The following MEF2D variants were observed in gnomAD, a reference collection of about 807,000 sequenced individuals.
MEF2D encodes myocyte-specific enhancer factor 2D.
A neutral mutation model predicts 59.3 loss-of-function variants in MEF2D; 10 were observed. The ratio of observed to expected loss-of-function variants is 0.17; its 90% confidence interval spans 0.10 to 0.29. MEF2D has a LOEUF of 0.29. Ranked by LOEUF, MEF2D falls within the 10% of genes least tolerant of loss-of-function variation. The pLI is 1.00. For synonymous variants in MEF2D, 305 were observed against 295.0 expected, an observed-to-expected ratio of 1.03 and a Z score of -0.35; for missense variants, 508 against 699.4, an observed-to-expected ratio of 0.73 and a Z score of 3.09.
intron 1 of MEF2D, among the ~76,000 whole-genome samples, chr1:156,494,410 A>G (rs1484396364): frequency 4.6e-5 from 7 of 152,154 alleles, no homozygotes; most frequent in Admixed American, 4.6e-4. Context: ...GCATGCAGCC[A>G]GAGGGATCTG....
At chr1:156,483,863 A>G (rs1325796217) in intron 1 of MEF2D, among the ~76,000 whole-genome samples, 2 of 152,210 alleles carry the variant, frequency 1.3e-5, no homozygotes, top group Non-Finnish European at 2.9e-5. Context: ...CAGTCAGTGA[A>G]CAACAAGCAT....
intron 1 of MEF2D, among the ~76,000 whole-genome samples, chr1:156,496,943 C>A (rs1673166031): frequency 6.6e-6 from 1 of 152,218 alleles, no homozygotes; most frequent in South Asian, 2.1e-4. Context: ...ATTCCGAGAT[C>A]CAAATAGCAC....
In MEF2D at chr1:156,482,662, C is replaced by T. The variant is rs528368741; in HGVS notation, c.55-22G>A. Reference sequence around the variant, plus strand: ...TCACCTGCAGAGAAGGATGGGTGGGCGGCCAGATCTGGCTCAGTTAAGGCC... The same window carrying T: ...TCACCTGCAGAGAAGGATGGGTGGGTGGCCAGATCTGGCTCAGTTAAGGCC... On this transcript the variant is annotated intron_variant, in intron 2 of 11. Coordinates refer to ENST00000348159, the MANE Select transcript of MEF2D (RefSeq NM_005920.4). The T allele has an allele frequency of 5.7e-5, 92 of 1,612,792 alleles. 1 individual carries two copies. Among genetic ancestry groups the T allele is most frequent in the South Asian group, 7.7e-5 (7 of 91,066 alleles).
At chr1:156,469,361 A>C (rs1671077289) in intron 9 of MEF2D, among the ~76,000 whole-genome samples, 1 of 152,066 alleles carries the variant, frequency 6.6e-6, no homozygotes, top group South Asian at 2.1e-4. Flanking sequence ...ACGTTCAAGC[A>C]AATCTCCTGC....
chr1:156,482,729 T>G (rs1318459664), intron 2 of MEF2D, 89 bp from the exon 3 acceptor site: 41 of 1,233,070 alleles, frequency 3.3e-5, no homozygotes, highest in Non-Finnish European at 4.1e-5. Flanking sequence ...ACATAGCCCC[T>G]GCCCTCAGGA....
intron 3 of MEF2D, among the ~76,000 whole-genome samples, 191 bp downstream of exon 3, chr1:156,482,246 C>G (rs545975835): frequency 6.6e-6 from 1 of 152,346 alleles, no homozygotes; most frequent in South Asian, 2.1e-4. Flanking sequence ...ACTGCCCTTC[C>G]TTCCTCCTCA....
At chr1:156,479,471 C>A in intron 5 of MEF2D, 115 bp downstream of exon 5, 1 of 1,489,148 alleles carries the variant, frequency 6.7e-7, no homozygotes, top group Non-Finnish European at 9.1e-7. Flanking sequence ...AGGAGCCATA[C>A]AAATGGCGGA....
rs971929913 is a variant in MEF2D, at chr1:156,464,051, G to A, written c.*3594C>T. 14 of 152,528 alleles carry A rather than the reference G, an allele frequency of 9.2e-5. No homozygotes were observed. The highest frequency in any genetic ancestry group is 3.4e-4 in the African/African-American group (14 of 41,390). The allele number at this position is 152,528 out of a possible 1,614,324, so 9.4% of individuals were successfully genotyped here. On this transcript the variant is annotated 3_prime_UTR_variant, in exon 12 of 12. Coordinates refer to ENST00000348159, the MANE Select transcript of MEF2D (RefSeq NM_005920.4). ...CCACCTCCCTCCCTCTGGAGAATGG[G>A]GAAGAGGAGAGAATCCAGATTCTCC...
Position 156,467,514 on chromosome 1 carries a change from A to G in MEF2D, c.*131T>C, listed in dbSNP as rs1670924927. ...TAATATAATAATTATACACAAATGT[A>G]ACCGTCAACAGGACACGAAGCACAA... is the stretch of plus-strand genomic sequence containing the variant. On this transcript the variant is annotated 3_prime_UTR_variant, in exon 12 of 12. Transcript: ENST00000348159. 1 of 510,270 alleles carries G rather than the reference A, an allele frequency of 2.0e-6. No individual in the cohort carries two copies. The highest frequency in any genetic ancestry group is 2.0e-5 in the African/African-American group (1 of 51,126). 31.6% of individuals were successfully genotyped at this position (510,270 alleles called of 1,614,324 possible). A position where few individuals can be genotyped will look rare whatever the true frequency, so the allele number is the denominator to read the frequency against.
intron 2 of MEF2D, among the ~76,000 whole-genome samples, 187 bp downstream of exon 2, chr1:156,483,052 C>G (rs1672122290): frequency 6.6e-6 from 1 of 152,152 alleles, no homozygotes; most frequent in South Asian, 2.1e-4. Context: ...TCCTGGAGTC[C>G]AGGGACGCAG....
Position 156,500,526 on chromosome 1 carries a change from G to A in MEF2D, c.-179C>T, listed in dbSNP as rs967619828. 3.3e-5 allele frequency: 5 copies of A among 152,204 alleles called. No homozygotes were observed. Among genetic ancestry groups the A allele is most frequent in the African/African-American group, 4.8e-5 (2 of 41,448 alleles). The allele number at this position is 152,204 out of a possible 1,614,324, so 9.4% of individuals were successfully genotyped here. A position where few individuals can be genotyped will look rare whatever the true frequency, so the allele number is the denominator to read the frequency against. On this transcript the variant is annotated 5_prime_UTR_variant, in exon 1 of 12. Transcript: ENST00000348159. The stretch of plus-strand genomic sequence containing the variant: ...AACGGTGTTGTCACGGCAAAGAGCG[G>A]GTAGCCCTCGCCCCTGGTCCGGGGG...
At chr1:156,489,917 T>C (rs910361642) in intron 1 of MEF2D, among the ~76,000 whole-genome samples, 2 of 152,184 alleles carry the variant, frequency 1.3e-5, no homozygotes, top group African/African-American at 4.8e-5. Flanking sequence ...ACAACCTTCC[T>C]AGTCATTCTC....
At chr1:156,496,993 G>A (rs1673169944) in intron 1 of MEF2D, among the ~76,000 whole-genome samples, 1 of 152,182 alleles carries the variant, frequency 6.6e-6, no homozygotes, top group African/African-American at 2.4e-5. Context: ...TTCCTTTCGG[G>A]AGAGCCACTG....
At chr1:156,495,165 G>T (rs1478279053) in intron 1 of MEF2D, among the ~76,000 whole-genome samples, 1 of 152,106 alleles carries the variant, frequency 6.6e-6, no homozygotes, top group Non-Finnish European at 1.5e-5. Context: ...TGCCACCAAA[G>T]GCTGATTCTC....
Position 156,482,452 on chromosome 1 carries a change from G to A in MEF2D, c.243C>T (p.Asn81=), listed in dbSNP as rs201728741. ...EYNEPHESRT[N]ADIIETLRKK... is the part of the protein sequence containing the mutation. ...ATGGGCCCACCTCGATGATGTCGGC[G>A]TTGGTGCGGCTCTCGTGTGGCTCAT... Residue 81 remains asparagine (N), a synonymous_variant, in exon 3 of 12, where the codon AAC becomes AAT. Transcript: ENST00000348159. 5.8e-5 allele frequency: 93 copies of A among 1,614,110 alleles called. No individual in the cohort carries two copies. The highest frequency in any genetic ancestry group is 8.0e-5 in the African/African-American group (6 of 75,058).
In MEF2D at chr1:156,463,811, A is replaced by C. The variant is rs919060695; in HGVS notation, c.*3834T>G. 7 of 152,774 alleles carry C rather than the reference A, an allele frequency of 4.6e-5. No individual in the cohort carries two copies. The highest frequency in any genetic ancestry group is 1.7e-4 in the African/African-American group (7 of 41,590). 9.5% of individuals were successfully genotyped at this position (152,774 alleles called of 1,614,324 possible). On this transcript the variant is annotated 3_prime_UTR_variant, in exon 12 of 12. Transcript: ENST00000348159. ...AAAGAGTTTTCAAACAAAACTCATA[A>C]GAATCTCGAGGACTTTGTCTTTTCT...
chr1:156,495,162 A>G lies in MEF2D; in HGVS notation c.-139+5324T>C, dbSNP rs145334681. On this transcript the variant is annotated intron_variant, in intron 1 of 11. Coordinates refer to ENST00000348159, the MANE Select transcript of MEF2D (RefSeq NM_005920.4). ...ACAATACCCTCCTCACCTTGCCACCAAAGGCTGATTCTCTGCCCTCTGCTG... is the reference window on the plus strand; with the variant it reads ...ACAATACCCTCCTCACCTTGCCACCGAAGGCTGATTCTCTGCCCTCTGCTG... Among the ~76,000 whole-genome samples the G allele has an allele frequency of 5.5e-3, 843 of 152,150 alleles. 7 individuals are homozygous for G. Among genetic ancestry groups the G allele is most frequent in the Non-Finnish European group, 8.7e-3 (594 of 67,986 alleles).
chr1:156,500,056 G>A (rs1034706249), intron 1 of MEF2D, among the ~76,000 whole-genome samples: 5 of 152,160 alleles, frequency 3.3e-5, no homozygotes, highest in Non-Finnish European at 7.3e-5. Context: ...GAGGGAACAG[G>A]CGGCGAGAGG....
intron 1 of MEF2D, among the ~76,000 whole-genome samples, chr1:156,491,215 A>G (rs1477781836): frequency 6.6e-6 from 1 of 152,190 alleles, no homozygotes; most frequent in East Asian, 1.9e-4. Context: ...GCTCTGGTCT[A>G]AGATGTGATC....
Sources: gnomAD v4.1 joint callset for allele counts (sites outside exome capture counted in the v4.1 genomes callset) on GRCh38, gnomAD v4.1.1 for gene constraint, MANE v1.5 for transcripts, NCBI Gene and HGNC (gene_info 2026-07-23, HGNC 2026-07-21) for gene names.